The following SLC25A21 variants were observed in gnomAD, a reference collection of about 807,000 sequenced individuals.
SLC25A21 encodes solute carrier family 25 member 21.
SLC25A21 carries 47 observed loss-of-function variants against 43.8 expected under a neutral mutation model. The ratio of observed to expected loss-of-function variants is 1.07; its 90% CI spans 0.85 to 1.37. SLC25A21 has a LOEUF of 1.37. Among genes scored for constraint, SLC25A21 ranks in the 40% most tolerant of loss-of-function variants. SLC25A21 has a pLI of 0.00. For missense variants in SLC25A21, 352 were observed against 350.2 expected, an observed-to-expected ratio of 1.00 and a Z score of -0.04; for synonymous variants, 131 against 121.3, an observed-to-expected ratio of 1.08 and a Z score of -0.52.
intron 2 of SLC25A21, among the ~76,000 whole-genome samples, chr14:36,818,256 T>G (rs1160104517): frequency 6.6e-6 from 1 of 152,150 alleles, no homozygotes; most frequent in Non-Finnish European, 1.5e-5. Context: ...AAGACTATCT[T>G]GGAGCTACAT....
intron 1 of SLC25A21, among the ~76,000 whole-genome samples, chr14:36,955,128 A>G (rs368159761): frequency 6.6e-6 from 1 of 152,184 alleles, no homozygotes; most frequent in Admixed American, 6.5e-5. Flanking sequence ...TAGACATTCA[A>G]TAAATGCTTG....
chr14:36,992,771 T>A (rs896815814), intron 1 of SLC25A21, among the ~76,000 whole-genome samples: 1 of 152,186 alleles, frequency 6.6e-6, no homozygotes, highest in African/African-American at 2.4e-5. Context: ...AATGCTAGAA[T>A]CATCAAGAAA....
At chr14:37,126,622 A>G (rs1184954628) in intron 1 of SLC25A21, among the ~76,000 whole-genome samples, 1 of 152,152 alleles carries the variant, frequency 6.6e-6, no homozygotes, top group Non-Finnish European at 1.5e-5. Flanking sequence ...GTACCATAAA[A>G]ATAGGAGGCT....
chr14:36,773,466 C>G (rs1425120668), intron 3 of SLC25A21, among the ~76,000 whole-genome samples: 1 of 152,086 alleles, frequency 6.6e-6, no homozygotes, highest in African/African-American at 2.4e-5. Context: ...AGAATATGTT[C>G]AAAAGTTTAA....
intron 1 of SLC25A21, among the ~76,000 whole-genome samples, chr14:37,040,931 C>A (rs529292958): frequency 7.3e-5 from 11 of 151,548 alleles, no homozygotes; most frequent in Non-Finnish European, 1.3e-4. Context: ...ATGATAAATT[C>A]ATTCTAATAT....
At chr14:36,963,321 C>T (rs1334133488) in intron 1 of SLC25A21, among the ~76,000 whole-genome samples, 5 of 152,002 alleles carry the variant, frequency 3.3e-5, no homozygotes, top group African/African-American at 7.3e-5. Flanking sequence ...ATCATGTGAA[C>T]AGAGAATATA....
intron 2 of SLC25A21, among the ~76,000 whole-genome samples, chr14:36,869,435 T>C (rs1001305453): frequency 6.6e-6 from 1 of 152,136 alleles, no homozygotes; most frequent in Non-Finnish European, 1.5e-5. Flanking sequence ...GAATGGTCAC[T>C]GCCCTAACAG....
intron 6 of SLC25A21, among the ~76,000 whole-genome samples, chr14:36,714,176 T>C (rs540722685): frequency 2.0e-5 from 3 of 152,346 alleles, no homozygotes; most frequent in East Asian, 1.9e-4. Context: ...AAAATAGTTA[T>C]AACAATAAAA....
chr14:36,876,932 G>GATAAATAGATAGATAGATAA (rs3061675), intron 1 of SLC25A21, among the ~76,000 whole-genome samples: 12 of 149,776 alleles, frequency 8.0e-5, no homozygotes, highest in Admixed American at 5.4e-4. Context: ...TAGATAGATA[G>GATAAATAGATAGATAGATAA]ATAGATACAC....
chr14:36,962,164 C>T (rs1156169), intron 1 of SLC25A21, among the ~76,000 whole-genome samples: 139,292 of 152,234 alleles, frequency 0.91, 63,901 homozygotes, highest in African/African-American at 0.98. Flanking sequence ...TTCTGTCTAC[C>T]AGGTCCCATG....
chr14:37,061,850 T>TGCAG (rs1025144992), intron 1 of SLC25A21, among the ~76,000 whole-genome samples: 2 of 152,216 alleles, frequency 1.3e-5, no homozygotes, highest in African/African-American at 4.8e-5. Context: ...CAAAAAATTG[T>TGCAG]GGTTCAATTT....
At position 36,813,917 on chromosome 14, in the gene SLC25A21, C is replaced by A. The variant is rs762441134; in HGVS notation, c.203+1G>T. Reference sequence around the variant, plus strand: ...AATGGCTATATGAAGAATATACATACCCTTCCATTTGGAAAATCATTCGAA... The same window carrying A: ...AATGGCTATATGAAGAATATACATAACCTTCCATTTGGAAAATCATTCGAA... On this transcript the variant is annotated splice_donor_variant, in intron 3 of 9. Coordinates refer to ENST00000331299, the MANE Select transcript of SLC25A21 (RefSeq NM_030631.4). LOFTEE classifies it high-confidence loss of function. 1 of 1,574,656 alleles carries A rather than the reference C, an allele frequency of 6.4e-7. No individual in the cohort carries two copies. Among genetic ancestry groups the A allele is most frequent in the Non-Finnish European group, 8.7e-7 (1 of 1,149,194 alleles).
intron 1 of SLC25A21, among the ~76,000 whole-genome samples, chr14:37,019,198 C>T (rs778816168): frequency 1.3e-5 from 2 of 151,924 alleles, no homozygotes; most frequent in Admixed American, 6.6e-5. Context: ...CCATTGGTTC[C>T]TTGATTACTA....
At chr14:37,005,252 A>G (rs955112739) in intron 1 of SLC25A21, among the ~76,000 whole-genome samples, 1 of 152,036 alleles carries the variant, frequency 6.6e-6, no homozygotes, top group Non-Finnish European at 1.5e-5. Flanking sequence ...GGAGACAACG[A>G]AAGTCAGAGA....
chr14:36,854,624 T>C (rs538865753), intron 2 of SLC25A21, among the ~76,000 whole-genome samples: 77 of 152,362 alleles, frequency 5.1e-4, no homozygotes, highest in African/African-American at 1.7e-3. Context: ...TAGTGATTTT[T>C]ATTACCATTA....
intron 2 of SLC25A21, among the ~76,000 whole-genome samples, chr14:36,864,915 GTTAT>G (rs1327939747): frequency 3.9e-5 from 6 of 151,970 alleles, no homozygotes; most frequent in East Asian, 1.9e-4. Context: ...CAGCTGCTCT[GTTAT>G]TTATTTATTT....
chr14:37,151,016 A>T (rs1388553400), intron 1 of SLC25A21, among the ~76,000 whole-genome samples: 1 of 152,018 alleles, frequency 6.6e-6, no homozygotes, highest in African/African-American at 2.4e-5. Flanking sequence ...GCACATTGGT[A>T]GGTTCTCTCT....
In SLC25A21 at chr14:37,126,753, G is replaced by A. The variant is rs1191657306; in HGVS notation, c.70+45528C>T. ...AGTAGCTGCTAGGTACAGGGCACAG[G>A]AAAACATTCAGGGCATTCTTTAATC... On this transcript the variant is annotated intron_variant, in intron 1 of 9. Transcript: ENST00000331299. 7.2e-5 allele frequency among the ~76,000 whole-genome samples: 11 copies of A among 152,160 alleles called. No homozygotes were observed. In the South Asian group the frequency reaches 1.7e-3, roughly 23 times the overall value.
rs1170337246 is a variant in SLC25A21, at chr14:36,679,829, T to A, written c.*829A>T. On this transcript the variant is annotated 3_prime_UTR_variant, in exon 10 of 10. Transcript: ENST00000331299. ...GGTGTTTCCAATTTGTGATTTAACA[T>A]GACAATATCTCATCAACAAAACTTA... 15 of 984,922 alleles carry A rather than the reference T, an allele frequency of 1.5e-5. No homozygotes were observed. Among genetic ancestry groups the A allele is most frequent in the South Asian group, 1.4e-4 (3 of 21,278 alleles). 61.0% of individuals were successfully genotyped at this position (984,922 alleles called of 1,614,324 possible).
Sources: allele counts gnomAD v4.1 joint callset (sites outside exome capture counted in the v4.1 genomes callset), GRCh38; gene constraint gnomAD v4.1.1; transcripts MANE v1.5; gene names NCBI Gene and HGNC (gene_info 2026-07-23, HGNC 2026-07-21).